Variants in BICRA observed in about 807,000 individuals in gnomAD.
BICRA encodes the protein BRD4-interacting chromatin-remodeling complex-associated protein.
Under a neutral mutation model 96.9 loss-of-function variants are expected in BICRA, and 31 were observed. The observed-to-expected ratio is 0.32, with a 90% confidence interval of 0.24 to 0.43. BICRA has a LOEUF of 0.43. Among genes scored for constraint, BICRA ranks in the 20% least tolerant of loss-of-function variants. The probability of loss-of-function intolerance (pLI) is 1.00; values close to 1 mark genes in which losing one functional copy is unlikely to be tolerated. For synonymous variants in BICRA, 1,350 were observed against 1,071.8 expected (o/e 1.26, Z -5.07); for missense variants, 2,283 against 2,190.3 (o/e 1.04, Z -0.84).
intron 1 of BICRA, among the ~76,000 whole-genome samples, chr19:47,654,101 G>C (rs1972580055): frequency 6.6e-6 from 1 of 152,152 alleles, no homozygotes; most frequent in Non-Finnish European, 1.5e-5. Flanking sequence ...ACTTTTGGAG[G>C]AACTGCCAGG....
At chr19:47,613,807 G>T (rs1408994242) in intron 1 of BICRA, among the ~76,000 whole-genome samples, 1 of 152,066 alleles carries the variant, frequency 6.6e-6, no homozygotes, top group East Asian at 1.9e-4. Context: ...TGTCCCAGTT[G>T]ACTGAAGCTT....
intron 4 of BICRA, among the ~76,000 whole-genome samples, chr19:47,674,188 G>A (rs185407482): frequency 3.4e-4 from 52 of 152,220 alleles, no homozygotes; most frequent in Admixed American, 1.2e-3. Flanking sequence ...TCCTGGCAGA[G>A]GGAAGAGCAA....
chr19:47,645,720 C>T (rs1972449826), intron 1 of BICRA, among the ~76,000 whole-genome samples: 1 of 152,216 alleles, frequency 6.6e-6, no homozygotes, highest in African/African-American at 2.4e-5. Context: ...ATATTTCCTT[C>T]TGATCTTCCT....
At chr19:47,636,903 C>G (rs1972307658) in intron 1 of BICRA, among the ~76,000 whole-genome samples, 1 of 152,118 alleles carries the variant, frequency 6.6e-6, no homozygotes, top group Non-Finnish European at 1.5e-5. Context: ...TTCAGCCACA[C>G]CAACCTCTTC....
At chr19:47,653,840 T>C (rs538079634) in intron 1 of BICRA, among the ~76,000 whole-genome samples, 1 of 152,338 alleles carries the variant, frequency 6.6e-6, no homozygotes, top group South Asian at 2.1e-4. Context: ...TTGTTTTGTT[T>C]TGTTTTTTTG....
intron 1 of BICRA, among the ~76,000 whole-genome samples, chr19:47,644,384 CCTTTT>C (rs1313944736): frequency 8.6e-5 from 13 of 151,616 alleles, no homozygotes; most frequent in Non-Finnish European, 1.6e-4. Flanking sequence ...CTTTGCTTTT[CCTTTT>C]CTTTTCTTTC....
chr19:47,678,150 C>G (rs745434969), intron 5 of BICRA, among the ~76,000 whole-genome samples: 1 of 152,162 alleles, frequency 6.6e-6, no homozygotes. Flanking sequence ...GAGTCTCACT[C>G]TGTCACCCAG....
intron 9 of BICRA, 23 bp from the exon 10 acceptor site, chr19:47,695,342 T>TCCAGCCCC: frequency 1.6e-6 from 1 of 630,200 alleles, no homozygotes; most frequent in Non-Finnish European, 2.8e-6. Flanking sequence ...AGGCCCTGTC[T>TCCAGCCCC]CCCCCACCCC....
intron 1 of BICRA, among the ~76,000 whole-genome samples, chr19:47,654,023 T>C (rs561603537): frequency 2.0e-4 from 31 of 152,206 alleles, no homozygotes; most frequent in African/African-American, 6.7e-4. Context: ...TGTGGACATA[T>C]GTTTTCGACT....
chr19:47,609,631 C>T (rs180733121), intron 1 of BICRA, among the ~76,000 whole-genome samples: 5 of 151,786 alleles, frequency 3.3e-5, no homozygotes, highest in Non-Finnish European at 5.9e-5. Flanking sequence ...TCCCGGCCCC[C>T]TCCCCTCGCC....
intron 1 of BICRA, among the ~76,000 whole-genome samples, chr19:47,648,671 T>G (rs577629026): frequency 0.015 from 2,281 of 149,832 alleles, 61 homozygotes; most frequent in African/African-American, 0.053. Context: ...CAGGAGTTTT[T>G]TTTTTTTGTT....
intron 1 of BICRA, among the ~76,000 whole-genome samples, chr19:47,633,694 C>T (rs776644281): frequency 6.6e-6 from 1 of 152,172 alleles, no homozygotes; most frequent in Non-Finnish European, 1.5e-5. Context: ...AGCAAAGTCT[C>T]TTCTCCTGTT....
chr19:47,680,639 C>A lies in BICRA; in HGVS notation c.1469C>A (p.Pro490Gln). 6.2e-7 allele frequency: 1 copy of A among 1,609,794 alleles called. No homozygotes were observed. Among genetic ancestry groups the A allele is most frequent in the Non-Finnish European group, 8.5e-7 (1 of 1,178,306 alleles). The change falls in exon 6 of 15, where the codon CCG (proline) becomes CAG (glutamine). Residue 490 changes from proline to glutamine, a missense_variant. Transcript: ENST00000594866. ...VQLPQQLSAL[P>Q]ANVGGQILAA... ...CTCCCGCAGCAGCTCTCAGCCCTGC[C>A]GGCCAACGTGGGCGGGCAGATCCTG...
Position 47,631,512 on chromosome 19 carries a change from G to A in BICRA, c.-108+22344G>A, listed in dbSNP as rs1363943511. On this transcript the variant is annotated intron_variant, in intron 1 of 14. Transcript: ENST00000594866. ...CAAAGATCTGGGATTATAGGCATGAGCCACCACATCCAGCCTAATTTTAAA... is the reference window on the plus strand; with the variant it reads ...CAAAGATCTGGGATTATAGGCATGAACCACCACATCCAGCCTAATTTTAAA... Among the ~76,000 whole-genome samples, 4 of 152,080 alleles carry A rather than the reference G, an allele frequency of 2.6e-5. No individual in the cohort carries two copies. The East Asian group carries it at 7.7e-4, about 29-fold the overall frequency.
intron 1 of BICRA, among the ~76,000 whole-genome samples, chr19:47,622,149 T>C (rs1972074218): frequency 6.6e-6 from 1 of 151,774 alleles, no homozygotes; most frequent in Admixed American, 6.6e-5. Context: ...GTATTTTTAG[T>C]AGAGACAGGT....
In BICRA at chr19:47,702,164, G is replaced by A. The variant is rs766518881; in HGVS notation, c.4432G>A (p.Glu1478Lys). ...GCCCCCTGCCAAGCGGCGCAAGTCC[G>A]AGTCGCCCGACGTGGACCAGGCCAG... ...GLPPAKRRKSESPDVDQASFS... is the reference protein window; with the variant it reads ...GLPPAKRRKSKSPDVDQASFS... The change falls in exon 15 of 15, where the codon GAG becomes AAG. Residue 1478 changes from glutamate (E) to lysine (K), a missense_variant. Physicochemically the swap from Glu to Lys is moderately conservative, Grantham distance 56. Coordinates refer to ENST00000594866, the MANE Select transcript of BICRA (RefSeq NM_001394372.1). 6 of 1,569,066 alleles carry A rather than the reference G, an allele frequency of 3.8e-6. No homozygotes were observed. Among genetic ancestry groups the A allele is most frequent in the South Asian group, 3.5e-5 (3 of 86,642 alleles).
intron 1 of BICRA, among the ~76,000 whole-genome samples, chr19:47,647,388 G>GTA (rs1349311743): frequency 1.3e-5 from 2 of 152,092 alleles, no homozygotes; most frequent in African/African-American, 2.4e-5. Context: ...CGGCACCCTT[G>GTA]TATATCGCCC....
At chr19:47,641,289 A>G (rs960659981) in intron 1 of BICRA, among the ~76,000 whole-genome samples, 4 of 151,916 alleles carry the variant, frequency 2.6e-5, no homozygotes, top group African/African-American at 4.8e-5. Flanking sequence ...AAAAAGTATC[A>G]TTGGATGCAA....
Position 47,698,249 on chromosome 19 carries a change from G to A in BICRA, c.3249-385G>A, listed in dbSNP as rs758528638. ...GATCCAGCCTCCCTCCCTTCTTCCCGAAGGCTGCACTTTGGAGGAGGCACG... is the reference window on the plus strand; with the variant it reads ...GATCCAGCCTCCCTCCCTTCTTCCCAAAGGCTGCACTTTGGAGGAGGCACG... On this transcript the variant is annotated intron_variant, in intron 11 of 14. Coordinates refer to ENST00000594866, the MANE Select transcript of BICRA (RefSeq NM_001394372.1). This position sits in a 1 kb window ranked among gnomAD's most constrained non-coding sequence, Gnocchi z 4.8. Among the ~76,000 whole-genome samples the A allele has an allele frequency of 2.0e-5, 3 of 152,124 alleles. No homozygotes were observed. The highest frequency in any genetic ancestry group is 2.9e-5 in the Non-Finnish European group (2 of 68,018).
Sources: allele counts gnomAD v4.1 joint callset (sites outside exome capture counted in the v4.1 genomes callset), GRCh38; gene constraint gnomAD v4.1.1; non-coding constraint Gnocchi (gnomAD v3.1); transcripts MANE v1.5; gene names NCBI Gene and HGNC (gene_info 2026-07-23, HGNC 2026-07-21).